Variants in HUWE1 observed in about 807,000 individuals in gnomAD.
The protein encoded by HUWE1 is HECT, UBA and WWE domain containing E3 ubiquitin protein ligase 1.
Under a neutral mutation model 299.4 loss-of-function variants are expected in HUWE1, and 18 were observed. That is an observed-to-expected ratio of 0.06 (90% CI 0.04 to 0.09). HUWE1 has a LOEUF of 0.09. Ranked by LOEUF, HUWE1 falls within the 10% of genes least tolerant of loss-of-function variation. The pLI is 1.00. For missense variants in HUWE1, 1,832 were observed against 3,462.3 expected (o/e 0.53, Z 11.82); for synonymous variants, 1,317 against 1,286.1 (o/e 1.02, Z -0.51).
chrX:53,551,085 T>G lies in HUWE1; in HGVS notation c.9201A>C (p.Ser3067=). The change falls in exon 65 of 84, where the codon TCA becomes TCC. Residue 3067 remains serine (S), a synonymous_variant. Transcript: ENST00000262854. ...DPVTFIQTLP[S]DLRRSVLEDM... is the part of the protein sequence containing the mutation. ...CCTCTAGGACACTACGGCGCAGGTC[T>G]GAGGGCAGAGTCTGGATGAAGGTCA... 1 of 1,211,939 alleles carries G rather than the reference T, an allele frequency of 8.3e-7. No individual in the cohort carries two copies. The highest frequency in any genetic ancestry group is 1.8e-5 in the South Asian group (1 of 57,009).
chrX:53,635,621 C>T (rs1436697552), intron 7 of HUWE1, among the ~76,000 whole-genome samples: 1 of 111,946 alleles, frequency 8.9e-6, no homozygotes, highest in African/African-American at 3.2e-5. Context: ...CCCAGCCAAG[C>T]ATTATCATAT....
intron 2 of HUWE1, chrX:53,684,171 C>A (rs1050357363): frequency 8.1e-6 from 2 of 247,856 alleles, no homozygotes; most frequent in Non-Finnish European, 1.4e-5. Flanking sequence ...AGGGGCGGAG[C>A]CAACCTACCA....
intron 24 of HUWE1, among the ~76,000 whole-genome samples, chrX:53,608,629 TA>T (rs1556999136): frequency 9.0e-6 from 1 of 111,442 alleles, no homozygotes; most frequent in African/African-American, 3.3e-5. Flanking sequence ...TGGAGAATGG[TA>T]ACAGTGAACA....
chrX:53,558,198 G>A (rs1049716428), intron 59 of HUWE1, among the ~76,000 whole-genome samples: 1 of 111,687 alleles, frequency 9.0e-6, no homozygotes, highest in Non-Finnish European at 1.9e-5. Flanking sequence ...ATGACATGTG[G>A]TGATGGGGTT....
intron 81 of HUWE1, 148 bp downstream of exon 81, chrX:53,535,236 T>C (rs2060985463): frequency 5.9e-6 from 3 of 505,477 alleles, no homozygotes; most frequent in Non-Finnish European, 1.1e-5. Context: ...TGCCCAAAGT[T>C]AAGTATTTTT....
chrX:53,552,560 C>A, intron 62 of HUWE1, 78 bp downstream of exon 62: 1 of 1,201,179 alleles, frequency 8.3e-7, no homozygotes, highest in Admixed American at 2.2e-5. Context: ...CAAGCATGTC[C>A]ATTAGTTGAC....
rs1299494277 is a variant in HUWE1, at chrX:53,625,853, A to AGGGCCG, written c.1490-601_1490-596dup. 2.2e-3 allele frequency: 343 copies of AGGGCCG among 155,658 alleles called. 1 individual carries two copies. Among genetic ancestry groups the AGGGCCG allele is most frequent in the Admixed American group, 2.7e-3 (31 of 11,477 alleles). The allele number at this position is 155,658 out of a possible 1,213,427, so 12.8% of individuals were successfully genotyped here. ...CAGGACCGGGGCCGGGGCCGGGGCC[A>AGGGCCG]GGGCCGGGGCCGGGGCCGGGGCCGG... is the stretch of plus-strand genomic sequence containing the variant. On this transcript the variant is annotated intron_variant, in intron 17 of 83. Coordinates refer to ENST00000262854, the MANE Select transcript of HUWE1 (RefSeq NM_031407.7).
At position 53,586,348 on chromosome X, in the gene HUWE1, C is replaced by T. The variant is rs1556973250; in HGVS notation, c.4824+142G>A. 7 of 470,519 alleles carry T rather than the reference C, an allele frequency of 1.5e-5. No individual in the cohort carries two copies. In the Admixed American group the frequency reaches 2.6e-4, roughly 17 times the overall value. 38.8% of individuals were successfully genotyped at this position (470,519 alleles called of 1,213,427 possible). ...CAGAGTAAATTATTCAGAAGAGAAA[C>T]CTAGCTATGAAAATCCCTTAAGAGA... On this transcript the variant is annotated intron_variant, in intron 39 of 83. Transcript: ENST00000262854.
chrX:53,651,759 G>T (rs1443519555), intron 4 of HUWE1, among the ~76,000 whole-genome samples: 2 of 111,125 alleles, frequency 1.8e-5, no homozygotes, highest in Non-Finnish European at 3.8e-5. Context: ...AACTTGCCTG[G>T]TATAATTTTA....
At chrX:53,550,063 A>T (rs1283675186) in intron 66 of HUWE1, among the ~76,000 whole-genome samples, 1 of 111,060 alleles carries the variant, frequency 9.0e-6, no homozygotes, top group East Asian at 2.8e-4. Context: ...AGAACCACCC[A>T]TTTTTGAGAT....
rs1247481031 is a variant in HUWE1, at chrX:53,634,244, G to A, written c.559C>T (p.His187Tyr). 1 of 1,200,187 alleles carries A rather than the reference G, an allele frequency of 8.3e-7. No individual in the cohort carries two copies. Among genetic ancestry groups the A allele is most frequent in the African/African-American group, 1.8e-5 (1 of 56,818 alleles). The change falls in exon 8 of 84, where the codon CAT becomes TAT. Residue 187 changes from histidine (H) to tyrosine (Y), a missense_variant. Physicochemically the swap from His to Tyr is moderately conservative, Grantham distance 83 (BLOSUM62 2). Coordinates refer to ENST00000262854, the MANE Select transcript of HUWE1 (RefSeq NM_031407.7). ...CCCAAAGAGTTACTTACCATCATAT[G>A]CAAGTCTCTGCAACATTCTGCAAGT... Reference protein sequence around the residue: ...FGLAECCRDLHMMKYPPSATT... With the variant: ...FGLAECCRDLYMMKYPPSATT...
At chrX:53,590,543 C>G (rs781787740) in intron 34 of HUWE1, 44 bp from the exon 35 acceptor site, 6 of 961,725 alleles carry the variant, frequency 6.2e-6, no homozygotes, top group Admixed American at 2.2e-5. Flanking sequence ...ACACTCAAAA[C>G]AAAGAAACCC....
At chrX:53,640,248 T>C (rs1374165565) in intron 7 of HUWE1, among the ~76,000 whole-genome samples, 5 of 111,394 alleles carry the variant, frequency 4.5e-5, no homozygotes, top group Admixed American at 9.5e-5. Flanking sequence ...TAGTCTCAGC[T>C]ACTAGGGAGG....
intron 73 of HUWE1, chrX:53,542,879 G>C: frequency 5.1e-6 from 1 of 196,238 alleles, no homozygotes; most frequent in Non-Finnish European, 9.2e-6. Context: ...GTGTGTGTGT[G>C]TGTGTGTGTG....
chrX:53,625,593 G>C, intron 17 of HUWE1: 1 of 200,826 alleles, frequency 5.0e-6, no homozygotes, highest in Non-Finnish European at 9.1e-6. Context: ...TGTGCAAATT[G>C]TTGGAAAAGT....
At chrX:53,635,721 G>A (rs938988159) in intron 7 of HUWE1, among the ~76,000 whole-genome samples, 5 of 111,153 alleles carry the variant, frequency 4.5e-5, no homozygotes, top group Non-Finnish European at 7.5e-5. Flanking sequence ...CAATCACCTC[G>A]GATCTGGGCT....
Position 53,632,478 on chromosome X carries a change from CAG to C in HUWE1, c.645+7_645+8del, listed in dbSNP as rs2066940277. The C allele has an allele frequency of 2.6e-6, 3 of 1,175,527 alleles. No individual in the cohort carries two copies. The highest frequency in any genetic ancestry group is 1.8e-5 in the African/African-American group (1 of 56,623). On this transcript the variant is annotated splice_region_variant and intron_variant, in intron 9 of 83. Coordinates refer to ENST00000262854, the MANE Select transcript of HUWE1 (RefSeq NM_031407.7). ...AGACTTTGTCAGAACAAATCTGAAT[CAG>C]ACTCACCCTTTTCTCAATTTTGACC...
At chrX:53,578,342 T>G (rs62397581) in intron 43 of HUWE1, among the ~76,000 whole-genome samples, 1 of 87,701 alleles carries the variant, frequency 1.1e-5, no homozygotes. Context: ...CCACCCCGTC[T>G]GGGAGGGAGG....
chrX:53,658,116 A>C (rs1388724280), intron 3 of HUWE1, among the ~76,000 whole-genome samples: 2 of 109,451 alleles, frequency 1.8e-5, no homozygotes, highest in Non-Finnish European at 3.8e-5. Context: ...GAAATAAAAA[A>C]CATTTATATT....
Sources: gnomAD v4.1 joint callset for allele counts (sites outside exome capture counted in the v4.1 genomes callset) on GRCh38, gnomAD v4.1.1 for gene constraint, MANE v1.5 for transcripts, NCBI Gene and HGNC (gene_info 2026-07-23, HGNC 2026-07-21) for gene names.